Variants in GRIN2B observed in about 807,000 individuals in gnomAD.
GRIN2B encodes glutamate ionotropic receptor NMDA type subunit 2B, also known as glutamate receptor ionotropic, NMDA 2B.
A neutral mutation model predicts 114.5 loss-of-function variants in GRIN2B; 5 were observed. That is an observed-to-expected ratio of 0.04 (90% CI 0.02 to 0.09). The LOEUF (loss-of-function observed/expected upper bound fraction) is 0.09. Among genes scored for constraint, GRIN2B ranks in the 10% least tolerant of loss-of-function variants. The pLI, the probability that GRIN2B is intolerant of heterozygous loss-of-function variation, is 1.00. For missense variants in GRIN2B, 1,108 were observed against 1,943.5 expected, an observed-to-expected ratio of 0.57 and a Z score of 8.08; for synonymous variants, 787 against 745.1, an observed-to-expected ratio of 1.06 and a Z score of -0.92.
intron 3 of GRIN2B, among the ~76,000 whole-genome samples, chr12:13,766,535 C>G (rs904039105): frequency 6.6e-6 from 1 of 152,130 alleles, no homozygotes; most frequent in Non-Finnish European, 1.5e-5. Context: ...CCTCTGATAT[C>G]GAGTCTCAGC....
intron 4 of GRIN2B, among the ~76,000 whole-genome samples, chr12:13,728,412 C>T (rs1863029089): frequency 6.6e-6 from 1 of 151,798 alleles, no homozygotes; most frequent in African/African-American, 2.4e-5. Context: ...CCAAAGGATG[C>T]CCACAACTCC....
chr12:13,652,710 G>T (rs1463627277), intron 5 of GRIN2B, among the ~76,000 whole-genome samples: 1 of 152,110 alleles, frequency 6.6e-6, no homozygotes, highest in African/African-American at 2.4e-5. Context: ...AGACACAAAT[G>T]GTTCAACTGC....
At chr12:13,813,977 G>A (rs192916515) in intron 3 of GRIN2B, among the ~76,000 whole-genome samples, 177 of 152,304 alleles carry the variant, frequency 1.2e-3, no homozygotes, top group Middle Eastern at 3.4e-3. Flanking sequence ...GGATTCTTCA[G>A]ATCAACATGG....
chr12:13,581,328 T>C (rs2058771), intron 10 of GRIN2B, among the ~76,000 whole-genome samples: 78,936 of 151,878 alleles, frequency 0.52, 20,859 homozygotes, highest in East Asian at 0.82. Flanking sequence ...AACCATGTTT[T>C]CCATCACTAA....
intron 4 of GRIN2B, among the ~76,000 whole-genome samples, chr12:13,722,263 G>GT (rs1012079221): frequency 1.3e-5 from 2 of 152,070 alleles, no homozygotes; most frequent in African/African-American, 4.8e-5. Flanking sequence ...GATTTCAGGG[G>GT]TTTTTTAATA....
intron 2 of GRIN2B, among the ~76,000 whole-genome samples, chr12:13,930,833 C>T (rs1462280317): frequency 6.6e-6 from 1 of 151,686 alleles, no homozygotes; most frequent in Admixed American, 6.6e-5. Context: ...CCACAGCCCC[C>T]CAACAAAAAA....
intron 3 of GRIN2B, among the ~76,000 whole-genome samples, chr12:13,835,602 G>A (rs1865246167): frequency 6.6e-6 from 1 of 151,784 alleles, no homozygotes; most frequent in Non-Finnish European, 1.5e-5. Context: ...AGACCCACGT[G>A]CAATGGGGAA....
At chr12:13,849,177 G>A (rs114353809) in intron 3 of GRIN2B, among the ~76,000 whole-genome samples, 78 of 152,254 alleles carry the variant, frequency 5.1e-4, no homozygotes, top group African/African-American at 1.8e-3. Context: ...GACATGGCAG[G>A]CAAGCAGGCA....
At chr12:13,565,030 C>A (rs989393982) in intron 13 of GRIN2B, among the ~76,000 whole-genome samples, 18 of 152,190 alleles carry the variant, frequency 1.2e-4, no homozygotes, top group African/African-American at 4.3e-4. Context: ...ATATCATCAG[C>A]CTCCTGGAAA....
chr12:13,615,705 C>T lies in GRIN2B; in HGVS notation c.1329-41G>A. On this transcript the variant is annotated intron_variant, in intron 6 of 13. Transcript: ENST00000609686. The surrounding 1 kb of genome is among the most constrained non-coding windows in gnomAD (Gnocchi z 5.8). ...AACAAAAACAAACAAACAAAAAAGT[C>T]TTTGTACAAAAAGCCAACATTTATT... 6.3e-7 allele frequency: 1 copy of T among 1,579,268 alleles called. No homozygotes were observed. Among genetic ancestry groups the T allele is most frequent in the South Asian group, 1.1e-5 (1 of 90,398 alleles).
chr12:13,926,905 A>T (rs1193949310), intron 2 of GRIN2B, among the ~76,000 whole-genome samples: 2 of 151,742 alleles, frequency 1.3e-5, no homozygotes, highest in South Asian at 2.1e-4. Flanking sequence ...GTGAGCCAAG[A>T]TCACACCACT....
chr12:13,647,713 C>A (rs1303375481), intron 5 of GRIN2B, among the ~76,000 whole-genome samples: 2 of 152,000 alleles, frequency 1.3e-5, no homozygotes, highest in African/African-American at 2.4e-5. Flanking sequence ...GAGGTCCACA[C>A]CCACTCAAAA....
At chr12:13,869,598 T>C (rs1591594878) in intron 2 of GRIN2B, among the ~76,000 whole-genome samples, 1 of 152,216 alleles carries the variant, frequency 6.6e-6, no homozygotes, top group East Asian at 1.9e-4. Flanking sequence ...TTCCTTTTAT[T>C]ACAAATGAGA....
chr12:13,882,495 C>T (rs1256319604), intron 2 of GRIN2B, among the ~76,000 whole-genome samples: 1 of 151,968 alleles, frequency 6.6e-6, no homozygotes, highest in Non-Finnish European at 1.5e-5. Flanking sequence ...TCCCTGGATT[C>T]GAGAAAGATT....
At chr12:13,733,712 C>G (rs11055606) in intron 4 of GRIN2B, among the ~76,000 whole-genome samples, 24,788 of 152,040 alleles carry the variant, frequency 0.16, 2,564 homozygotes, top group Non-Finnish European at 0.24. Context: ...GGCCAGCGTT[C>G]TGGATTAAAA....
intron 3 of GRIN2B, among the ~76,000 whole-genome samples, chr12:13,786,290 T>C (rs1244449831): frequency 6.6e-6 from 1 of 152,174 alleles, no homozygotes; most frequent in Non-Finnish European, 1.5e-5. Context: ...TTTAATTTGA[T>C]TCAAATGTCA....
Position 13,547,959 on chromosome 12 carries a change from G to GTGTGTATA in GRIN2B, c.*14823_*14824insTATACACA, listed in dbSNP as rs796607856. 3.3e-5 allele frequency: 3 copies of GTGTGTATA among 91,470 alleles called. No homozygotes were observed. The highest frequency in any genetic ancestry group is 7.6e-5 in the African/African-American group (2 of 26,258). 5.7% of individuals were successfully genotyped at this position (91,470 alleles called of 1,614,324 possible). On this transcript the variant is annotated 3_prime_UTR_variant, in exon 14 of 14. Transcript: ENST00000609686. ...TATGTATGTATGTATGTATGTGTGT[G>GTGTGTATA]TATATATATATATATATATATATTT... is the stretch of plus-strand genomic sequence containing the variant.
In GRIN2B at chr12:13,694,691, AT is replaced by A. The variant is rs1173700464; in HGVS notation, c.1011-18833del. Among the ~76,000 whole-genome samples the A allele has an allele frequency of 3.0e-3, 354 of 117,948 alleles. 5 individuals are homozygous for A. The highest frequency in any genetic ancestry group is 4.2e-3 in the Admixed American group (50 of 11,888). 77.4% of individuals were successfully genotyped at this position (117,948 alleles called of 152,430 possible). On this transcript the variant is annotated intron_variant, in intron 4 of 13. Coordinates refer to ENST00000609686, the MANE Select transcript of GRIN2B (RefSeq NM_000834.5). ...TATATATATATATATATATATATAT[AT>A]ATATATATATAAATTAATTAATATT...
chr12:13,829,537 T>C (rs1458690697), intron 3 of GRIN2B, among the ~76,000 whole-genome samples: 2 of 152,256 alleles, frequency 1.3e-5, no homozygotes, highest in African/African-American at 4.8e-5. Context: ...CCACTCCTGC[T>C]TTATCATCTG....
Sources: allele counts gnomAD v4.1 joint callset (sites outside exome capture counted in the v4.1 genomes callset), GRCh38; gene constraint gnomAD v4.1.1; non-coding constraint Gnocchi (gnomAD v3.1); transcripts MANE v1.5; gene names NCBI Gene and HGNC (gene_info 2026-07-23, HGNC 2026-07-21).